Variants in WDR20 observed in about 807,000 individuals in gnomAD.
WDR20 encodes WD repeat domain 20.
A neutral mutation model predicts 38.7 loss-of-function variants in WDR20; 3 were observed. That is an observed-to-expected ratio of 0.08 (90% confidence interval 0.04 to 0.20). WDR20 has a LOEUF of 0.20. Ranked by LOEUF, WDR20 falls within the 10% of genes least tolerant of loss-of-function variation. The pLI, the probability that WDR20 is intolerant of heterozygous loss-of-function variation, is 1.00. For missense variants in WDR20, 559 were observed against 727.7 expected (o/e 0.77, Z 2.67); for synonymous variants, 298 against 285.6 (o/e 1.04, Z -0.44).
At chr14:102,193,146 T>C (rs1425935304) in intron 1 of WDR20, among the ~76,000 whole-genome samples, 1 of 151,816 alleles carries the variant, frequency 6.6e-6, no homozygotes, top group African/African-American at 2.4e-5. Context: ...TTTTTTTTTT[T>C]GTGGCTGTCT....
chr14:102,198,045 T>C (rs1309077195), intron 2 of WDR20: 1 of 428,056 alleles, frequency 2.3e-6, no homozygotes, highest in Non-Finnish European at 4.1e-6. Flanking sequence ...CACTTTGTGA[T>C]GTAAGAGGCA....
chr14:102,190,755 C>T (rs548936906), intron 1 of WDR20, among the ~76,000 whole-genome samples: 156 of 152,152 alleles, frequency 1.0e-3, no homozygotes, highest in African/African-American at 3.6e-3. Context: ...AATCCCAGCA[C>T]TTTGGGAGGC....
intron 1 of WDR20, among the ~76,000 whole-genome samples, chr14:102,163,246 G>A (rs1322497946): frequency 2.6e-5 from 4 of 152,112 alleles, no homozygotes; most frequent in Non-Finnish European, 5.9e-5. Context: ...TTCTGCTTCT[G>A]CCATGGGATG....
At chr14:102,161,850 A>T (rs1329098822) in intron 1 of WDR20, among the ~76,000 whole-genome samples, 1 of 152,196 alleles carries the variant, frequency 6.6e-6, no homozygotes, top group Non-Finnish European at 1.5e-5. Context: ...CAGCTCTTCT[A>T]ATCAGGCTGT....
chr14:102,157,456 C>G (rs2057691234), intron 1 of WDR20: 1 of 152,130 alleles, frequency 6.6e-6, no homozygotes, highest in Admixed American at 6.5e-5. Context: ...TCAGCAGTTG[C>G]TCATCTAGAA....
downstream of WDR20, among the ~76,000 whole-genome samples, chr14:102,215,606 T>C (rs537151908): frequency 6.6e-6 from 1 of 152,206 alleles, no homozygotes; most frequent in Admixed American, 6.5e-5. Flanking sequence ...TTTTTCCTTA[T>C]GCTCTCCCTC....
chr14:102,185,717 C>T (rs1412636732), intron 1 of WDR20, among the ~76,000 whole-genome samples: 1 of 151,792 alleles, frequency 6.6e-6, no homozygotes, highest in Non-Finnish European at 1.5e-5. Context: ...TGGATGGACA[C>T]CCAAGAAGGC....
At chr14:102,158,641 C>T (rs1250421230) in intron 1 of WDR20, among the ~76,000 whole-genome samples, 2 of 152,028 alleles carry the variant, frequency 1.3e-5, no homozygotes, top group Non-Finnish European at 2.9e-5. Flanking sequence ...CAATAACCTA[C>T]TTCCCTATCC....
chr14:102,147,962 C>T (rs2152702120), intron 1 of WDR20, among the ~76,000 whole-genome samples: 1 of 152,288 alleles, frequency 6.6e-6, no homozygotes, highest in East Asian at 1.9e-4. Context: ...AACTCCTGAC[C>T]TCAGGTGATC....
At chr14:102,183,806 A>T (rs1272133648) in intron 1 of WDR20, among the ~76,000 whole-genome samples, 1 of 152,208 alleles carries the variant, frequency 6.6e-6, no homozygotes, top group African/African-American at 2.4e-5. Context: ...TGCTCTGCTG[A>T]ATATAATGAG....
rs138997461 is a variant in WDR20 at position 102,170,652 on chromosome 14, A to T, written c.250-24286A>T. ...AAAAAAAAAATTAAGTTGGTAGGAGATCTCTTTTATGATTATTTATTTTTA... is the reference window on the plus strand; with the variant it reads ...AAAAAAAAAATTAAGTTGGTAGGAGTTCTCTTTTATGATTATTTATTTTTA... On this transcript the variant is annotated intron_variant, in intron 1 of 2. Transcript: ENST00000342702. Among the ~76,000 whole-genome samples, 1,129 of 150,516 alleles carry T rather than the reference A, an allele frequency of 7.5e-3. 16 individuals are homozygous for T. Among genetic ancestry groups the T allele is most frequent in the African/African-American group, 0.026 (1,056 of 41,066 alleles).
chr14:102,156,269 G>A (rs893933566), intron 1 of WDR20, among the ~76,000 whole-genome samples: 1 of 151,114 alleles, frequency 6.6e-6, no homozygotes, highest in Non-Finnish European at 1.5e-5. Context: ...CCGGGTTCAC[G>A]CCATTCTCCT....
chr14:102,204,204 C>A (rs1486895830), intron 2 of WDR20, among the ~76,000 whole-genome samples: 1 of 152,052 alleles, frequency 6.6e-6, no homozygotes, highest in African/African-American at 2.4e-5. Flanking sequence ...GGCACTGGTT[C>A]GGCTGTGTCT....
chr14:102,214,434 C>G (rs1233931302), downstream of WDR20: 2 of 985,340 alleles, frequency 2.0e-6, no homozygotes, highest in Admixed American at 6.1e-5. Context: ...ACCTTTGAAA[C>G]TCAGATCCTA....
At chr14:102,206,762 A>G (rs1318198211) in intron 2 of WDR20, among the ~76,000 whole-genome samples, 2 of 152,114 alleles carry the variant, frequency 1.3e-5, no homozygotes, top group Non-Finnish European at 2.9e-5. Context: ...TTGTGGGATC[A>G]AGAGTGCTGG....
chr14:102,180,602 GCAACAA>G (rs1405605337), intron 1 of WDR20, among the ~76,000 whole-genome samples: 1 of 152,164 alleles, frequency 6.6e-6, no homozygotes, highest in Non-Finnish European at 1.5e-5. Context: ...CTTGCTGTGG[GCAACAA>G]GAAAAGTGGG....
rs1946297889 is a variant in WDR20, at chr14:102,221,097, G to T, written c.1693-1733G>T. Among the ~76,000 whole-genome samples the T allele has an allele frequency of 1.3e-5, 2 of 152,198 alleles. No homozygotes were observed. Among genetic ancestry groups the T allele is most frequent in the South Asian group, 4.1e-4 (2 of 4,832 alleles). On this transcript the variant is annotated intron_variant, in intron 3 of 3. Coordinates refer to the WDR20 transcript ENST00000335263. The surrounding 1 kb of genome is among the most constrained non-coding windows in gnomAD (Gnocchi z 4.8). Reference sequence around the variant, plus strand: ...GGGAAGCTAAACTTAACACAGGACTGGTAGAGACACCACCTTCCTGTGGGT... The same window carrying T: ...GGGAAGCTAAACTTAACACAGGACTTGTAGAGACACCACCTTCCTGTGGGT...
rs756967964 is a variant in WDR20, at chr14:102,141,757, G to A, written c.249+1585G>A. ...ACTGACTGTCAAATAAGAAGCTGCT[G>A]TCTTGACATTGATAATCAGAGTGAA... On this transcript the variant is annotated intron_variant, in intron 1 of 2. Coordinates refer to ENST00000342702, the MANE Select transcript of WDR20 (RefSeq NM_144574.4). 2.0e-4 allele frequency among the ~76,000 whole-genome samples: 30 copies of A among 152,154 alleles called. 1 individual carries two copies. The highest frequency in any genetic ancestry group is 6.8e-3 in the Middle Eastern group (2 of 294).
intron 1 of WDR20, among the ~76,000 whole-genome samples, chr14:102,167,090 G>A (rs190211230): frequency 6.6e-6 from 1 of 152,282 alleles, no homozygotes; most frequent in East Asian, 1.9e-4. Context: ...TACAAGCCCT[G>A]CATGAAACTA....
Sources: gnomAD v4.1 joint callset for allele counts (sites outside exome capture counted in the v4.1 genomes callset) on GRCh38, gnomAD v4.1.1 for gene constraint, Gnocchi (gnomAD v3.1) non-coding constraint, MANE v1.5 for transcripts, NCBI Gene and HGNC (gene_info 2026-07-23, HGNC 2026-07-21) for gene names.